PTPRD: variants seen among roughly 807,000 people sequenced by gnomAD.
PTPRD encodes the protein receptor-type tyrosine-protein phosphatase delta.
Under a neutral mutation model 214.5 loss-of-function variants are expected in PTPRD, and 34 were observed. The observed-to-expected ratio is 0.16, with a 90% CI of 0.12 to 0.21. The LOEUF is 0.21. Ranked by LOEUF, PTPRD falls within the 10% of genes least tolerant of loss-of-function variation. The pLI is 1.00. For missense variants in PTPRD, 2,545 were observed against 2,398.7 expected (o/e 1.06, Z -1.27); for synonymous variants, 1,128 against 845.7 (o/e 1.33, Z -5.79).
intron 3 of PTPRD, among the ~76,000 whole-genome samples, chr9:10,278,385 G>C (rs2094855100): frequency 6.6e-6 from 1 of 152,170 alleles, no homozygotes; most frequent in Admixed American, 6.5e-5. Flanking sequence ...AAACAAAGTG[G>C]TTCAGGAGGT....
chr9:9,650,524 T>TC (rs1487169634), intron 7 of PTPRD, among the ~76,000 whole-genome samples: 1 of 152,218 alleles, frequency 6.6e-6, no homozygotes, highest in East Asian at 1.9e-4. Flanking sequence ...AATTTTCTTT[T>TC]TTTGTTGTAT....
At chr9:9,514,610 G>A (rs886372391) in intron 8 of PTPRD, among the ~76,000 whole-genome samples, 31 of 152,046 alleles carry the variant, frequency 2.0e-4, no homozygotes, top group Admixed American at 1.6e-3. Context: ...ATTTTTAGAA[G>A]AAATTGTCAC....
At position 9,452,588 on chromosome 9, in the gene PTPRD, C is replaced by A. The variant is rs376449190; in HGVS notation, c.-236-55106G>T. On this transcript the variant is annotated intron_variant, in intron 8 of 45. Transcript: ENST00000381196. The stretch of plus-strand genomic sequence containing the variant: ...ATGAGAAAGAGAGAAAAAAACTTCC[C>A]ATAGCTAACTTACTCATCTTTATAC... 4.0e-5 allele frequency among the ~76,000 whole-genome samples: 6 copies of A among 151,172 alleles called. No individual in the cohort carries two copies. In the East Asian group the frequency reaches 7.8e-4, roughly 20 times the overall value.
intron 10 of PTPRD, among the ~76,000 whole-genome samples, chr9:9,034,240 G>A (rs888448540): frequency 3.9e-5 from 6 of 152,082 alleles, no homozygotes; most frequent in Non-Finnish European, 5.9e-5. Context: ...AACCTCTAGA[G>A]CTCTGTTAGG....
chr9:9,005,299 C>CTAT (rs1160355807), intron 11 of PTPRD, among the ~76,000 whole-genome samples: 1 of 151,962 alleles, frequency 6.6e-6, no homozygotes, highest in Non-Finnish European at 1.5e-5. Flanking sequence ...CAATAAAATG[C>CTAT]AGATAAAACA....
intron 9 of PTPRD, among the ~76,000 whole-genome samples, chr9:9,228,247 A>T (rs919059864): frequency 6.6e-6 from 1 of 152,150 alleles, no homozygotes; most frequent in Non-Finnish European, 1.5e-5. Context: ...TAAGAATTGA[A>T]TTCAATTAAA....
intron 2 of PTPRD, among the ~76,000 whole-genome samples, chr9:10,381,113 AC>A (rs1306270855): frequency 1.3e-5 from 2 of 151,750 alleles, no homozygotes; most frequent in Non-Finnish European, 2.9e-5. Context: ...AAAAAAAAAG[AC>A]AAAAAGTAAC....
chr9:9,194,866 A>G (rs1223295669), intron 9 of PTPRD, among the ~76,000 whole-genome samples: 3 of 151,956 alleles, frequency 2.0e-5, no homozygotes, highest in African/African-American at 7.2e-5. Flanking sequence ...TCTAGTATGG[A>G]TTCTATAGCT....
chr9:8,479,864 T>C (rs1472273313), intron 30 of PTPRD, among the ~76,000 whole-genome samples: 3 of 152,162 alleles, frequency 2.0e-5, no homozygotes, highest in African/African-American at 2.4e-5. Context: ...GTCTATCATT[T>C]CCCTGTTCCT....
At chr9:8,694,752 A>T (rs1206331017) in intron 12 of PTPRD, among the ~76,000 whole-genome samples, 1 of 152,206 alleles carries the variant, frequency 6.6e-6, no homozygotes, top group African/African-American at 2.4e-5. Flanking sequence ...GGGTGTTGGC[A>T]AATCTGTATA....
At chr9:9,729,771 G>C (rs527966516) in intron 7 of PTPRD, among the ~76,000 whole-genome samples, 40 of 152,074 alleles carry the variant, frequency 2.6e-4, no homozygotes, top group Non-Finnish European at 5.4e-4. Context: ...AATTGTGAGA[G>C]AACGAACATA....
chr9:9,157,022 C>G (rs887670966), intron 10 of PTPRD, among the ~76,000 whole-genome samples: 1 of 152,110 alleles, frequency 6.6e-6, no homozygotes, highest in Non-Finnish European at 1.5e-5. Context: ...GTTTTTTGGA[C>G]AAGAATAAAT....
chr9:9,095,123 T>C (rs2099781662), intron 10 of PTPRD, among the ~76,000 whole-genome samples: 1 of 152,036 alleles, frequency 6.6e-6, no homozygotes, highest in African/African-American at 2.4e-5. Flanking sequence ...TAATTATATA[T>C]ATTAAAAAAA....
At chr9:9,361,202 T>C (rs538127005) in intron 9 of PTPRD, among the ~76,000 whole-genome samples, 1 of 151,274 alleles carries the variant, frequency 6.6e-6, no homozygotes, top group East Asian at 2.0e-4. Flanking sequence ...TAAATGCTTA[T>C]AACCATTCTT....
At position 10,343,868 on chromosome 9, in the gene PTPRD, T is replaced by G. The variant is rs542970882; in HGVS notation, c.-599-2851A>C. ...AATTTGTTTGAGCTCTTCGTTTTCT[T>G]GTAAATTTGTTTGAGCTCTTCGTAG... On this transcript the variant is annotated intron_variant, in intron 2 of 45. Coordinates refer to ENST00000381196, the MANE Select transcript of PTPRD (RefSeq NM_002839.4). Among the ~76,000 whole-genome samples the G allele has an allele frequency of 4.6e-5, 7 of 152,038 alleles. No individual in the cohort carries two copies. In the East Asian group the frequency reaches 1.4e-3, roughly 29 times the overall value.
chr9:10,586,589 G>A (rs2073957134), intron 2 of PTPRD, among the ~76,000 whole-genome samples: 1 of 152,050 alleles, frequency 6.6e-6, no homozygotes, highest in Non-Finnish European at 1.5e-5. Context: ...TAAAAAGAAT[G>A]AATTATGTTC....
intron 2 of PTPRD, among the ~76,000 whole-genome samples, chr9:10,542,428 T>A (rs1037195512): frequency 1.3e-5 from 2 of 152,212 alleles, no homozygotes; most frequent in African/African-American, 4.8e-5. Context: ...TATTAGAACT[T>A]GGTCATTCTC....
chr9:9,720,279 A>C (rs6477405), intron 7 of PTPRD, among the ~76,000 whole-genome samples: 74,101 of 152,046 alleles, frequency 0.49, 20,720 homozygotes, highest in African/African-American at 0.76. Flanking sequence ...TATAGATGAG[A>C]AATCTCAGAT....
chr9:10,184,226 A>C (rs144755863), intron 3 of PTPRD, among the ~76,000 whole-genome samples: 1 of 152,186 alleles, frequency 6.6e-6, no homozygotes, highest in Admixed American at 6.5e-5. Context: ...GGGGTTCGAG[A>C]CCAGCCTGGC....
Sources: allele counts gnomAD v4.1 joint callset (sites outside exome capture counted in the v4.1 genomes callset), GRCh38; gene constraint gnomAD v4.1.1; transcripts MANE v1.5; gene names NCBI Gene and HGNC (gene_info 2026-07-23, HGNC 2026-07-21).